TBCD: variants seen among roughly 807,000 people sequenced by gnomAD.
TBCD encodes the protein tubulin-specific chaperone D.
TBCD carries 105 observed loss-of-function variants against 169.3 expected under a neutral mutation model. The ratio of observed to expected loss-of-function variants is 0.62; its 90% CI spans 0.53 to 0.73. The LOEUF (loss-of-function observed/expected upper bound fraction) is 0.73, where lower values mean the gene tolerates loss of function less well. TBCD is among the 30% of genes least tolerant of loss of function. The probability of loss-of-function intolerance (pLI) is 0.00; values close to 1 mark genes in which losing one functional copy is unlikely to be tolerated. For missense variants in TBCD, 1,444 were observed against 1,600.1 expected, an observed-to-expected ratio of 0.90 and a Z score of 1.66; for synonymous variants, 700 against 643.9, an observed-to-expected ratio of 1.09 and a Z score of -1.32.
chr17:82,799,435 CTG>C (rs1202184613), intron 8 of TBCD, among the ~76,000 whole-genome samples: 2 of 39,830 alleles, frequency 5.0e-5, no homozygotes, highest in Non-Finnish European at 9.3e-5. Context: ...GAGCAAGACT[CTG>C]TCTCAAAAAA....
At chr17:82,761,696 G>A (rs2047762747) in intron 2 of TBCD, among the ~76,000 whole-genome samples, 1 of 146,434 alleles carries the variant, frequency 6.8e-6, no homozygotes, top group African/African-American at 2.6e-5. Context: ...TTTCTCTCGT[G>A]CTGATAAATC....
chr17:82,763,779 G>A (rs1387050900), intron 2 of TBCD, among the ~76,000 whole-genome samples, 186 bp from the exon 3 acceptor site: 2 of 152,062 alleles, frequency 1.3e-5, no homozygotes, highest in African/African-American at 4.8e-5. Context: ...TTGCTCTGTT[G>A]CCCAGGCTGG....
chr17:82,792,941 T>A lies in TBCD; in HGVS notation c.772-4816T>A, dbSNP rs563862022. Among the ~76,000 whole-genome samples the A allele has an allele frequency of 3.3e-5, 5 of 152,132 alleles. No individual in the cohort carries two copies. In the South Asian group the frequency reaches 6.2e-4, roughly 19 times the overall value. ...CCACACCTGGCTAATTTTTGTACTT[T>A]TAGTAGAGATGAGGTCTTGCCATGT... On this transcript the variant is annotated intron_variant, in intron 7 of 38. Coordinates refer to ENST00000355528, the MANE Select transcript of TBCD (RefSeq NM_005993.5).
rs374323372 is a variant in TBCD at position 82,929,189 on chromosome 17, G to A, written c.2770G>A (p.Val924Met). 23 of 1,613,868 alleles carry A rather than the reference G, an allele frequency of 1.4e-5. No homozygotes were observed. Among genetic ancestry groups the A allele is most frequent in the Middle Eastern group, 1.6e-4 (1 of 6,062 alleles). The change falls in exon 31 of 39, where the codon GTG becomes ATG. Residue 924 changes from valine to methionine, a missense_variant. Physicochemically the swap from Val to Met is conservative, Grantham distance 21. Coordinates refer to ENST00000355528, the MANE Select transcript of TBCD (RefSeq NM_005993.5). ...IDRFRAHAAS[V>M]FLTLLHFDSP... is the part of the protein sequence containing the mutation. ...CCGTTTCCGTGCTCACGCCGCCAGC[G>A]TGTTCCTGACGCTCCTGCACTTTGA... is the stretch of plus-strand genomic sequence containing the variant.
intron 13 of TBCD, among the ~76,000 whole-genome samples, chr17:82,869,096 G>T (rs2057384331): frequency 6.6e-6 from 1 of 152,188 alleles, no homozygotes; most frequent in Non-Finnish European, 1.5e-5. Context: ...GGCTGAGCTG[G>T]GTTGGAGGCT....
At chr17:82,916,634 C>T (rs890542387) in intron 23 of TBCD, among the ~76,000 whole-genome samples, 4 of 152,002 alleles carry the variant, frequency 2.6e-5, no homozygotes, top group African/African-American at 7.3e-5. Context: ...CTCTTGTCTT[C>T]TGGAGAGGTT....
intron 37 of TBCD, 72 bp downstream of exon 37, chr17:82,939,548 C>A (rs1257250716): frequency 5.8e-6 from 7 of 1,212,054 alleles, no homozygotes; most frequent in African/African-American, 1.5e-5. Flanking sequence ...ACCGTGTCTA[C>A]TCGTCTCTCC....
chr17:82,809,671 G>A (rs761627327), intron 11 of TBCD, 37 bp from the exon 12 acceptor site: 1 of 1,604,822 alleles, frequency 6.2e-7, no homozygotes, highest in South Asian at 1.1e-5. Context: ...CGACAGGCTG[G>A]TGGTGCCCCT....
At chr17:82,754,627 A>G (rs2047307967) in intron 1 of TBCD, among the ~76,000 whole-genome samples, 1 of 152,246 alleles carries the variant, frequency 6.6e-6, no homozygotes, top group Non-Finnish European at 1.5e-5. Flanking sequence ...CATTTAAACT[A>G]TAAATTAAAT....
intron 23 of TBCD, among the ~76,000 whole-genome samples, chr17:82,919,728 G>A (rs1156476020): frequency 1.3e-5 from 2 of 152,062 alleles, no homozygotes; most frequent in South Asian, 2.1e-4. Context: ...AGGGTCTCTC[G>A]TGGAACAGGA....
chr17:82,945,758 AAT>A lies in TBCD; in HGVS notation c.*3296_*3297del, dbSNP rs1287528759. On this transcript the variant is annotated 3_prime_UTR_variant, in exon 39 of 39. Transcript: ENST00000355528. The stretch of plus-strand genomic sequence containing the variant: ...CCCAGCTGTGACAAAAAGAAAAAAA[AAT>A]GTCTCCAGACACTGCCAAATATCTT... 3 of 152,170 alleles carry A rather than the reference AAT, an allele frequency of 2.0e-5. No individual in the cohort carries two copies. Among genetic ancestry groups the A allele is most frequent in the African/African-American group, 7.2e-5 (3 of 41,416 alleles). The allele number at this position is 152,170 out of a possible 1,614,324, so 9.4% of individuals were successfully genotyped here.
intron 12 of TBCD, among the ~76,000 whole-genome samples, chr17:82,814,090 G>T (rs2051669765): frequency 6.6e-6 from 1 of 152,154 alleles, no homozygotes; most frequent in Non-Finnish European, 1.5e-5. Flanking sequence ...ATTATGACTT[G>T]ATCGATGGCC....
At chr17:82,788,466 T>C (rs2035832661) in intron 7 of TBCD, among the ~76,000 whole-genome samples, 1 of 152,088 alleles carries the variant, frequency 6.6e-6, no homozygotes, top group South Asian at 2.1e-4. Flanking sequence ...AGGATGCTCT[T>C]CCCCTTATCG....
Position 82,792,047 on chromosome 17 carries a change from C to T in TBCD, c.772-5710C>T, listed in dbSNP as rs112114489. Among the ~76,000 whole-genome samples, 124 of 152,310 alleles carry T rather than the reference C, an allele frequency of 8.1e-4. 2 individuals are homozygous for T. The Middle Eastern group carries it at 0.01, about 13-fold the overall frequency. ...ATCATCAGCTGGGCACGGTGGATCA[C>T]GCCTGTAATCCCAGCACTTTGGGAG... On this transcript the variant is annotated intron_variant, in intron 7 of 38. Transcript: ENST00000355528.
chr17:82,867,849 C>T (rs2057286887), intron 13 of TBCD, among the ~76,000 whole-genome samples: 1 of 152,200 alleles, frequency 6.6e-6, no homozygotes, highest in African/African-American at 2.4e-5. Flanking sequence ...TGATGGCAGC[C>T]CTGGCCTTTA....
intron 8 of TBCD, among the ~76,000 whole-genome samples, chr17:82,798,512 C>A (rs1448625771): frequency 6.6e-6 from 1 of 152,128 alleles, no homozygotes; most frequent in African/African-American, 2.4e-5. Flanking sequence ...GAACTGCTGA[C>A]CTAGTGATCT....
intron 36 of TBCD, among the ~76,000 whole-genome samples, chr17:82,938,501 C>T (rs1433472937): frequency 1.3e-5 from 2 of 152,198 alleles, no homozygotes; most frequent in Non-Finnish European, 2.9e-5. Flanking sequence ...GATTTCTTTT[C>T]TCCTGGCTGC....
chr17:82,849,474 TC>T (rs1273618175), intron 13 of TBCD, among the ~76,000 whole-genome samples: 1 of 152,264 alleles, frequency 6.6e-6, no homozygotes, highest in Non-Finnish European at 1.5e-5. Flanking sequence ...CTTCCTTGTT[TC>T]CTCGCTGTGG....
At chr17:82,811,235 G>A (rs1291624830) in intron 12 of TBCD, among the ~76,000 whole-genome samples, 3 of 152,218 alleles carry the variant, frequency 2.0e-5, no homozygotes, top group African/African-American at 7.2e-5. Context: ...GGCCGGGCCT[G>A]CCTGTGCCTG....
Sources: gnomAD v4.1 joint callset for allele counts (sites outside exome capture counted in the v4.1 genomes callset) on GRCh38, gnomAD v4.1.1 for gene constraint, MANE v1.5 for transcripts, NCBI Gene and HGNC (gene_info 2026-07-23, HGNC 2026-07-21) for gene names.